RBFOX1: variants seen among roughly 807,000 people sequenced by gnomAD.
RBFOX1 encodes the protein RNA binding protein fox-1 homolog 1.
Under a neutral mutation model 57.7 loss-of-function variants are expected in RBFOX1, and 8 were observed. The observed-to-expected ratio is 0.14, with a 90% confidence interval of 0.08 to 0.25. RBFOX1 has a LOEUF of 0.25. Ranked by LOEUF, RBFOX1 falls within the 10% of genes least tolerant of loss-of-function variation. The pLI, the probability that RBFOX1 is intolerant of heterozygous loss-of-function variation, is 1.00. For synonymous variants in RBFOX1, 326 were observed against 222.4 expected (o/e 1.47, Z -4.15); for missense variants, 611 against 548.5 (o/e 1.11, Z -1.14).
At chr16:5,576,619 A>G (rs7201979) in intron 2 of RBFOX1, among the ~76,000 whole-genome samples, 133,877 of 152,286 alleles carry the variant, frequency 0.88, 58,981 homozygotes, top group East Asian at 1. Flanking sequence ...GAGAAGTGCC[A>G]AAGTCCATTT....
intron 2 of RBFOX1, among the ~76,000 whole-genome samples, chr16:5,481,152 C>A (rs910394705): frequency 6.6e-6 from 1 of 152,182 alleles, no homozygotes; most frequent in East Asian, 1.9e-4. Flanking sequence ...ACAACCTCTG[C>A]GGAGGCACTT....
intron 1 of RBFOX1, among the ~76,000 whole-genome samples, chr16:6,136,908 C>A (rs753165930): frequency 1.3e-5 from 2 of 152,164 alleles, no homozygotes; most frequent in Non-Finnish European, 2.9e-5. Flanking sequence ...CATTTTTAAT[C>A]AGTCTCCTAG....
chr16:6,516,961 G>T (rs553649133), intron 2 of RBFOX1, among the ~76,000 whole-genome samples: 1 of 152,146 alleles, frequency 6.6e-6, no homozygotes, highest in South Asian at 2.1e-4. Flanking sequence ...TGCTCTGGGG[G>T]CAGAGATAAA....
intron 4 of RBFOX1, among the ~76,000 whole-genome samples, chr16:7,130,847 T>G (rs887130426): frequency 1.3e-5 from 2 of 152,144 alleles, no homozygotes; most frequent in Non-Finnish European, 2.9e-5. Flanking sequence ...ATTCATAATC[T>G]ATCAGGCAAT....
chr16:7,134,130 G>A lies in RBFOX1; in HGVS notation c.27+82032G>A, dbSNP rs970430078. 8.5e-5 allele frequency among the ~76,000 whole-genome samples: 13 copies of A among 152,240 alleles called. No individual in the cohort carries two copies. In the South Asian group the frequency reaches 2.3e-3, roughly 27 times the overall value. ...TTGACTGCCCTGCAAATACAATAGC[G>A]ATCATAAAAACGGTGGTCAGCAGAG... On this transcript the variant is annotated intron_variant, in intron 4 of 15. Transcript: ENST00000550418.
At chr16:6,001,058 T>C (rs1369570717) in intron 4 of RBFOX1, among the ~76,000 whole-genome samples, 3 of 152,100 alleles carry the variant, frequency 2.0e-5, no homozygotes, top group Non-Finnish European at 2.9e-5. Flanking sequence ...GGTAGGTGGG[T>C]TGATGGACAG....
chr16:6,846,890 G>T (rs2093784525), intron 3 of RBFOX1, among the ~76,000 whole-genome samples: 1 of 151,180 alleles, frequency 6.6e-6, no homozygotes. Flanking sequence ...ATTACAAAGG[G>T]AAAGACTGCC....
chr16:6,466,229 C>CAAAA (rs201275514), intron 2 of RBFOX1, among the ~76,000 whole-genome samples: 1 of 127,878 alleles, frequency 7.8e-6, no homozygotes. Flanking sequence ...AACTCTATCT[C>CAAAA]AAAAAAAAAA....
intron 2 of RBFOX1, among the ~76,000 whole-genome samples, chr16:5,539,726 C>A (rs1415923354): frequency 6.6e-6 from 1 of 152,144 alleles, no homozygotes; most frequent in Non-Finnish European, 1.5e-5. Context: ...CTCCCTCCCC[C>A]ACACCATTGT....
intron 3 of RBFOX1, among the ~76,000 whole-genome samples, chr16:6,758,069 T>C (rs968001806): frequency 6.6e-6 from 1 of 152,166 alleles, no homozygotes; most frequent in Non-Finnish European, 1.5e-5. Flanking sequence ...TTTATACCAA[T>C]AAGAAGGATC....
intron 2 of RBFOX1, among the ~76,000 whole-genome samples, chr16:5,540,900 A>G (rs2044914785): frequency 6.6e-6 from 1 of 152,064 alleles, no homozygotes; most frequent in African/African-American, 2.4e-5. Context: ...CCCAGGCTGG[A>G]GTGCAGTGGT....
At chr16:5,506,123 G>C (rs376694649) in intron 2 of RBFOX1, among the ~76,000 whole-genome samples, 41 of 152,210 alleles carry the variant, frequency 2.7e-4, no homozygotes, top group African/African-American at 9.4e-4. Context: ...ACCTCCTCCT[G>C]CTGGTCTGCC....
intron 13 of RBFOX1, among the ~76,000 whole-genome samples, chr16:7,670,090 G>A (rs2070881598): frequency 6.6e-6 from 1 of 152,108 alleles, no homozygotes; most frequent in African/African-American, 2.4e-5. Context: ...GGAGTGCAGT[G>A]GCATGATCTC....
intron 4 of RBFOX1, among the ~76,000 whole-genome samples, chr16:5,962,182 A>G (rs928236791): frequency 5.3e-5 from 8 of 152,182 alleles, no homozygotes; most frequent in Non-Finnish European, 1.2e-4. Flanking sequence ...ACACTCATAT[A>G]TAGTTGGTCA....
chr16:5,312,104 C>G (rs1487720118), intron 1 of RBFOX1, among the ~76,000 whole-genome samples: 1 of 152,176 alleles, frequency 6.6e-6, no homozygotes, highest in Non-Finnish European at 1.5e-5. Context: ...GGTCGGTTTG[C>G]TATTTCATTG....
chr16:5,288,476 A>T (rs200742792), intron 1 of RBFOX1, among the ~76,000 whole-genome samples: 46 of 143,056 alleles, frequency 3.2e-4, no homozygotes, highest in South Asian at 4.6e-4. Context: ...TGAATTACAC[A>T]TTGTAAAATA....
At chr16:6,795,301 A>T (rs1489427103) in intron 3 of RBFOX1, among the ~76,000 whole-genome samples, 1 of 152,074 alleles carries the variant, frequency 6.6e-6, no homozygotes, top group East Asian at 1.9e-4. Context: ...AGCTCATCTA[A>T]TTCAGTGATT....
chr16:6,866,386 G>GA (rs1156891788), intron 3 of RBFOX1, among the ~76,000 whole-genome samples: 1 of 151,060 alleles, frequency 6.6e-6, no homozygotes, highest in African/African-American at 2.4e-5. Context: ...TAATAAAGAA[G>GA]AAAAAAAATC....
intron 1 of RBFOX1, among the ~76,000 whole-genome samples, chr16:6,173,438 TACAA>T (rs2096977106): frequency 6.6e-6 from 1 of 152,072 alleles, no homozygotes; most frequent in African/African-American, 2.4e-5. Context: ...AAGGAAAATT[TACAA>T]ACACACATGT....
Sources: gnomAD v4.1 joint callset for allele counts (sites outside exome capture counted in the v4.1 genomes callset) on GRCh38, gnomAD v4.1.1 for gene constraint, MANE v1.5 for transcripts, NCBI Gene and HGNC (gene_info 2026-07-23, HGNC 2026-07-21) for gene names.